The following SEPTIN11 variants were observed in gnomAD, a reference collection of about 807,000 sequenced individuals.
SEPTIN11 encodes septin 11, also known as septin-11.
In SEPTIN11, 25 loss-of-function variants were observed where a neutral mutation model predicts 51.4. That is an observed-to-expected ratio of 0.49 (90% CI 0.35 to 0.68). The LOEUF (loss-of-function observed/expected upper bound fraction) is 0.68. Among genes scored for constraint, SEPTIN11 ranks in the 30% least tolerant of loss-of-function variants. SEPTIN11 has a pLI of 0.00. For missense variants in SEPTIN11, 381 were observed against 520.8 expected (o/e 0.73, Z 2.61); for synonymous variants, 174 against 184.1 (o/e 0.95, Z 0.44).
chr4:76,991,190 A>G (rs1236767845), intron 1 of SEPTIN11, among the ~76,000 whole-genome samples: 1 of 152,228 alleles, frequency 6.6e-6, no homozygotes, highest in Non-Finnish European at 1.5e-5. Context: ...TCCAAGTTTC[A>G]GAAGACCTGT....
rs1454107199 is a variant in SEPTIN11, at chr4:77,016,655, TAC to T, written c.687+1642_687+1643del. Among the ~76,000 whole-genome samples, 101 of 109,012 alleles carry T rather than the reference TAC, an allele frequency of 9.3e-4. 13 individuals carry two copies. Among genetic ancestry groups the T allele is most frequent in the Non-Finnish European group, 1.5e-3 (77 of 50,478 alleles). 71.5% of individuals were successfully genotyped at this position (109,012 alleles called of 152,430 possible). A position where few individuals can be genotyped will look rare whatever the true frequency, so the allele number is the denominator to read the frequency against. ...ACACATATATATATATATATATATA[TAC>T]ACATATATATATATATATGGCCAGG... On this transcript the variant is annotated intron_variant, in intron 5 of 9. Transcript: ENST00000264893.
chr4:77,030,882 C>T lies in SEPTIN11; in HGVS notation c.1186C>T (p.Gln396Ter). ...GCTTGAGGAGGAGGTGAACAACTTC[C>T]AGAAGAAGAAAGCAGCGGCTCAGTT... ...KELEEEVNNF[Q>*]KKKAAAQLLQ... Residue 396 changes from glutamine to a stop codon, truncating the protein, a stop_gained, in exon 9 of 10, where the codon CAG (glutamine) becomes TAG (stop). Transcript: ENST00000264893. LOFTEE classifies it high-confidence loss of function. The T allele has an allele frequency of 6.2e-7, 1 of 1,613,708 alleles. No individual in the cohort carries two copies. The highest frequency in any genetic ancestry group is 8.5e-7 in the Non-Finnish European group (1 of 1,179,936).
chr4:76,962,627 T>C (rs889241440), intron 1 of SEPTIN11, among the ~76,000 whole-genome samples: 2 of 152,346 alleles, frequency 1.3e-5, no homozygotes, highest in African/African-American at 4.8e-5. Context: ...GTTATCAGTT[T>C]TTTTGTGTTT....
At chr4:76,974,662 A>G (rs1722405273) in intron 1 of SEPTIN11, 1 of 429,256 alleles carries the variant, frequency 2.3e-6, no homozygotes, top group Admixed American at 2.5e-5. Context: ...GAGAAAACCC[A>G]AACTCCCCTT....
At chr4:77,022,574 G>A (rs1396942918) in intron 7 of SEPTIN11, among the ~76,000 whole-genome samples, 1 of 152,100 alleles carries the variant, frequency 6.6e-6, no homozygotes, top group Non-Finnish European at 1.5e-5. Flanking sequence ...GCTGTGTTCC[G>A]GTAAAACTTC....
Position 77,035,844 on chromosome 4 carries a change from G to A in SEPTIN11, c.*1332G>A, listed in dbSNP as rs540304511. On this transcript the variant is annotated 3_prime_UTR_variant, in exon 10 of 10. Transcript: ENST00000264893. ...CTTTTCTATACTGCTCCTTTCTGAT[G>A]CTTATCCTTTCATCTGTGTGATTGT... is the stretch of plus-strand genomic sequence containing the variant. 3.0e-5 allele frequency: 30 copies of A among 985,678 alleles called. No homozygotes were observed. Among genetic ancestry groups the A allele is most frequent in the Non-Finnish European group, 3.6e-5 (30 of 829,958 alleles). The allele number at this position is 985,678 out of a possible 1,614,324, so 61.1% of individuals were successfully genotyped here.
Position 77,035,599 on chromosome 4 carries a change from A to G in SEPTIN11, c.*1087A>G. On this transcript the variant is annotated 3_prime_UTR_variant, in exon 10 of 10. Transcript: ENST00000264893. Reference sequence around the variant, plus strand: ...TAAGTCAAGAAGGTAGACATTTCATATCCAGCTTCCTTGCTTAGTCTCCTT... The same window carrying G: ...TAAGTCAAGAAGGTAGACATTTCATGTCCAGCTTCCTTGCTTAGTCTCCTT... 19 of 985,440 alleles carry G rather than the reference A, an allele frequency of 1.9e-5. No homozygotes were observed. The highest frequency in any genetic ancestry group is 2.3e-5 in the Non-Finnish European group (19 of 829,928). The allele number at this position is 985,440 out of a possible 1,614,324, so 61.0% of individuals were successfully genotyped here.
chr4:76,973,893 C>T (rs1722366701), intron 1 of SEPTIN11, among the ~76,000 whole-genome samples: 1 of 152,150 alleles, frequency 6.6e-6, no homozygotes, highest in Non-Finnish European at 1.5e-5. Context: ...AGCACTAAGC[C>T]ACTATTTCCA....
At chr4:76,963,796 T>G (rs1169306203) in intron 1 of SEPTIN11, among the ~76,000 whole-genome samples, 1 of 152,122 alleles carries the variant, frequency 6.6e-6, no homozygotes, top group Non-Finnish European at 1.5e-5. Context: ...AAGAAAAACT[T>G]TATTTATTTA....
chr4:76,957,368 G>A (rs12650893), intron 1 of SEPTIN11, among the ~76,000 whole-genome samples: 46,291 of 151,860 alleles, frequency 0.3, 7,193 homozygotes, highest in Non-Finnish European at 0.34. Flanking sequence ...AGTGTATAGC[G>A]TTTGGGTGAA....
At position 77,036,968 on chromosome 4, in the gene SEPTIN11, T is replaced by TAA; in HGVS notation, c.*2463_*2464dup. 2 of 1,203,584 alleles carry TAA rather than the reference T, an allele frequency of 1.7e-6. No homozygotes were observed. Among genetic ancestry groups the TAA allele is most frequent in the South Asian group, 3.1e-5 (1 of 31,892 alleles). 74.6% of individuals were successfully genotyped at this position (1,203,584 alleles called of 1,614,324 possible). A position where few individuals can be genotyped will look rare whatever the true frequency, so the allele number is the denominator to read the frequency against. On this transcript the variant is annotated 3_prime_UTR_variant, in exon 10 of 10. Transcript: ENST00000264893. ...GGTAATGGTTTGAGTAGCCTTTGTT[T>TAA]AAAAAAAAGACTAAATATATTTAAA...
intron 2 of SEPTIN11, among the ~76,000 whole-genome samples, chr4:76,997,410 A>G (rs925589385): frequency 3.6e-4 from 55 of 152,348 alleles, no homozygotes; most frequent in African/African-American, 1.3e-3. Flanking sequence ...TGTGTGTTCA[A>G]TGTGAGAACC....
At chr4:76,980,121 T>G (rs1722698560) in intron 1 of SEPTIN11, among the ~76,000 whole-genome samples, 1 of 152,174 alleles carries the variant, frequency 6.6e-6, no homozygotes, top group Admixed American at 6.5e-5. Flanking sequence ...TAGAGCCTGT[T>G]GCCTTTTTTC....
intron 7 of SEPTIN11, among the ~76,000 whole-genome samples, chr4:77,023,477 A>T (rs1578199212): frequency 6.6e-6 from 1 of 151,614 alleles, no homozygotes; most frequent in African/African-American, 2.4e-5. Flanking sequence ...ACCTTCTAAA[A>T]ATAAATACCT....
At chr4:77,011,704 A>T in intron 3 of SEPTIN11, 31 bp from the exon 4 acceptor site, 1 of 1,602,672 alleles carries the variant, frequency 6.2e-7, no homozygotes, top group Non-Finnish European at 8.5e-7. Flanking sequence ...AAGAGGTTTG[A>T]GACTAGAAAC....
intron 2 of SEPTIN11, among the ~76,000 whole-genome samples, chr4:77,004,538 A>G (rs1281004342): frequency 6.6e-6 from 1 of 152,246 alleles, no homozygotes; most frequent in Admixed American, 6.5e-5. Context: ...GACTTGAGTT[A>G]GAACCCTGGT....
At chr4:76,986,411 G>A (rs1723030837) in intron 1 of SEPTIN11, among the ~76,000 whole-genome samples, 1 of 152,076 alleles carries the variant, frequency 6.6e-6, no homozygotes, top group Admixed American at 6.6e-5. Flanking sequence ...GACAAAGGGA[G>A]TTGTTAGCTT....
At chr4:77,003,220 A>G (rs1403966278) in intron 2 of SEPTIN11, among the ~76,000 whole-genome samples, 1 of 152,234 alleles carries the variant, frequency 6.6e-6, no homozygotes, top group Non-Finnish European at 1.5e-5. Context: ...GCCCCAGCTC[A>G]TAGTGAAATG....
chr4:77,001,451 C>T (rs552649849), intron 2 of SEPTIN11, among the ~76,000 whole-genome samples: 1 of 152,030 alleles, frequency 6.6e-6, no homozygotes, highest in East Asian at 1.9e-4. Context: ...CCAGGTTCAA[C>T]GGATTCTTCT....
Sources: allele counts gnomAD v4.1 joint callset (sites outside exome capture counted in the v4.1 genomes callset), GRCh38; gene constraint gnomAD v4.1.1; transcripts MANE v1.5; gene names NCBI Gene and HGNC (gene_info 2026-07-23, HGNC 2026-07-21).